The following RPGRIP1L variants were observed in gnomAD, a reference collection of about 807,000 sequenced individuals.
The protein encoded by RPGRIP1L is RPGRIP1 like.
A neutral mutation model predicts 160.4 loss-of-function variants in RPGRIP1L; 131 were observed. The ratio of observed to expected loss-of-function variants is 0.82; its 90% CI spans 0.71 to 0.94. The LOEUF (loss-of-function observed/expected upper bound fraction) is 0.94, where lower values mean the gene tolerates loss of function less well. RPGRIP1L is among the 40% of genes least tolerant of loss of function. The probability of loss-of-function intolerance (pLI) is 0.00; values close to 1 mark genes in which losing one functional copy is unlikely to be tolerated. For missense variants in RPGRIP1L, 1,522 were observed against 1,535.8 expected, an observed-to-expected ratio of 0.99 and a Z score of 0.15; for synonymous variants, 510 against 515.8, an observed-to-expected ratio of 0.99 and a Z score of 0.15.
intron 6 of RPGRIP1L, among the ~76,000 whole-genome samples, chr16:53,681,879 CAGACTTCTAG>C (rs1369436312): frequency 5.3e-5 from 8 of 152,178 alleles, no homozygotes; most frequent in Non-Finnish European, 1.2e-4. Flanking sequence ...ACATCCAGAT[CAGACTTCTAG>C]AATTTCAAAT....
intron 17 of RPGRIP1L, among the ~76,000 whole-genome samples, chr16:53,641,820 GCCTT>G (rs1379153645): frequency 6.6e-6 from 1 of 152,032 alleles, no homozygotes; most frequent in Non-Finnish European, 1.5e-5. Context: ...AGAATTCTTA[GCCTT>G]CCTTCGTGAA....
chr16:53,674,125 G>C (rs886527063), intron 7 of RPGRIP1L, among the ~76,000 whole-genome samples: 8 of 151,934 alleles, frequency 5.3e-5, no homozygotes, highest in African/African-American at 1.9e-4. Context: ...TCATATTTAT[G>C]CAGAAGTAAT....
At chr16:53,688,076 A>T in intron 4 of RPGRIP1L, 111 bp from the exon 5 acceptor site, 2 of 716,886 alleles carry the variant, frequency 2.8e-6, no homozygotes, top group Non-Finnish European at 4.8e-6. Context: ...ATTAAGAGGT[A>T]TGTGTTTTAT....
Position 53,637,685 on chromosome 16 carries a change from A to G in RPGRIP1L, c.3220+10T>C. Reference sequence around the variant, plus strand: ...TAACTAAACAATGTTAGTTTAAATAAGAAAGTCACCTTCTGGTTCCAAGTC... The same window carrying G: ...TAACTAAACAATGTTAGTTTAAATAGGAAAGTCACCTTCTGGTTCCAAGTC... On this transcript the variant is annotated intron_variant, in intron 21 of 26. Coordinates refer to ENST00000647211, the MANE Select transcript of RPGRIP1L (RefSeq NM_015272.5). 1 of 1,605,470 alleles carries G rather than the reference A, an allele frequency of 6.2e-7. No homozygotes were observed. Among genetic ancestry groups the G allele is most frequent in the Non-Finnish European group, 8.5e-7 (1 of 1,179,170 alleles).
chr16:53,661,624 G>C (rs959710253), intron 10 of RPGRIP1L, among the ~76,000 whole-genome samples: 1 of 152,158 alleles, frequency 6.6e-6, no homozygotes, highest in Non-Finnish European at 1.5e-5. Context: ...AAAGTGTAAA[G>C]GGCATGACTG....
At chr16:53,672,101 G>A (rs1034525284) in intron 8 of RPGRIP1L, among the ~76,000 whole-genome samples, 1 of 152,030 alleles carries the variant, frequency 6.6e-6, no homozygotes, top group Admixed American at 6.5e-5. Flanking sequence ...GTGAATAAAT[G>A]AATAAACAAA....
At chr16:53,662,266 T>C (rs192066540) in intron 10 of RPGRIP1L, among the ~76,000 whole-genome samples, 23 of 152,284 alleles carry the variant, frequency 1.5e-4, no homozygotes, top group Admixed American at 1.2e-3. Flanking sequence ...CCATATGCAT[T>C]ATGCTGAATT....
At chr16:53,609,086 TG>T (rs1251364075) in intron 25 of RPGRIP1L, among the ~76,000 whole-genome samples, 2 of 152,144 alleles carry the variant, frequency 1.3e-5, no homozygotes, top group Non-Finnish European at 2.9e-5. Context: ...TTATAGTTAC[TG>T]TGGACTTTTC....
chr16:53,677,824 T>C (rs1343425138), intron 6 of RPGRIP1L, among the ~76,000 whole-genome samples: 2 of 152,188 alleles, frequency 1.3e-5, no homozygotes, highest in Non-Finnish European at 2.9e-5. Flanking sequence ...TTATGAGTAA[T>C]ATTTTAAGTG....
intron 4 of RPGRIP1L, 130 bp downstream of exon 4, chr16:53,691,936 T>TA: frequency 1.2e-6 from 1 of 849,586 alleles, no homozygotes; most frequent in Admixed American, 2.1e-5. Flanking sequence ...TTTATCAAAG[T>TA]AAAAAATTAT....
chr16:53,648,626 G>GCGCGCGCACACACACA (rs1555602385), intron 16 of RPGRIP1L, among the ~76,000 whole-genome samples: 3 of 143,988 alleles, frequency 2.1e-5, no homozygotes, highest in African/African-American at 5.1e-5. Context: ...GCGCGCGCGC[G>GCGCGCGCACACACACA]CACACACACA....
In RPGRIP1L at chr16:53,641,278, TACTC is replaced by T. The variant is rs756714049; in HGVS notation, c.2874+3_2874+6del. 1.1e-5 allele frequency: 18 copies of T among 1,613,244 alleles called. No homozygotes were observed. The South Asian group carries it at 1.8e-4, about 16-fold the overall frequency. Reference sequence around the variant, plus strand: ...TTGTAAAAAAATTAAAAGTCACTGATACTCACTAAAACTAGTGTGCTAACAGAGG... The same window carrying T: ...TTGTAAAAAAATTAAAAGTCACTGATACTAAAACTAGTGTGCTAACAGAGG... On this transcript the variant is annotated splice_donor_5th_base_variant and intron_variant, in intron 18 of 26. Transcript: ENST00000647211.
At position 53,657,611 on chromosome 16, in the gene RPGRIP1L, C is replaced by A; in HGVS notation, c.1423G>T (p.Gly475Ter). ...LIKAQKEQKN[G>*]DLSFLVKVDS... ...ACTTTCACTAAAAAGGAAAGGTCTC[C>A]ATTTTTTTGTTCTTTTTGAGCCTAA... The change falls in exon 13 of 27, where the codon GGA (glycine) becomes TGA (stop). Residue 475 changes from glycine to a stop codon, truncating the protein, a stop_gained. Coordinates refer to ENST00000647211, the MANE Select transcript of RPGRIP1L (RefSeq NM_015272.5). LOFTEE classifies it high-confidence loss of function. 1 of 1,588,118 alleles carries A rather than the reference C, an allele frequency of 6.3e-7. No homozygotes were observed. The highest frequency in any genetic ancestry group is 8.6e-7 in the Non-Finnish European group (1 of 1,163,546).
At chr16:53,672,775 A>G in intron 8 of RPGRIP1L, 95 bp downstream of exon 8, 1 of 1,122,090 alleles carries the variant, frequency 8.9e-7, no homozygotes, top group Non-Finnish European at 1.3e-6. Flanking sequence ...ATAATTTTAA[A>G]TAAGTACAAT....
intron 23 of RPGRIP1L, 69 bp downstream of exon 23, chr16:53,622,150 G>T (rs1964768639): frequency 1.9e-6 from 1 of 513,946 alleles, no homozygotes; most frequent in Non-Finnish European, 3.5e-6. Context: ...GGATCATGAG[G>T]TCGGGAGTTT....
Position 53,656,609 on chromosome 16 carries a change from A to G in RPGRIP1L, c.1582-20T>C, listed in dbSNP as rs1249212158. On this transcript the variant is annotated intron_variant, in intron 13 of 26. Coordinates refer to ENST00000647211, the MANE Select transcript of RPGRIP1L (RefSeq NM_015272.5). ...CTCCATCTACAAAATAAGGGAAAAT[A>G]AGTTTTAATACTTATGATTAGTTCT... 6.8e-7 allele frequency: 1 copy of G among 1,459,862 alleles called. No homozygotes were observed. Among genetic ancestry groups the G allele is most frequent in the African/African-American group, 1.4e-5 (1 of 71,896 alleles). 90.4% of individuals were successfully genotyped at this position (1,459,862 alleles called of 1,614,324 possible). A position where few individuals can be genotyped will look rare whatever the true frequency, so the allele number is the denominator to read the frequency against.
At chr16:53,673,141 G>A in intron 7 of RPGRIP1L, 125 bp from the exon 8 acceptor site, 1 of 926,254 alleles carries the variant, frequency 1.1e-6, no homozygotes, top group Non-Finnish European at 1.6e-6. Flanking sequence ...ACCTTATACA[G>A]ATTATTTTTT....
At position 53,610,864 on chromosome 16, in the gene RPGRIP1L, C is replaced by T. The variant is rs534810395; in HGVS notation, c.3701+103G>A. 3.9e-4 allele frequency: 366 copies of T among 930,052 alleles called. 7 individuals carry two copies. The South Asian group carries it at 4.5e-3, about 11-fold the overall frequency. 57.6% of individuals were successfully genotyped at this position (930,052 alleles called of 1,614,324 possible). On this transcript the variant is annotated intron_variant, in intron 25 of 26. Coordinates refer to ENST00000647211, the MANE Select transcript of RPGRIP1L (RefSeq NM_015272.5). ...GGGTACAGAGTGAGTCAGAGAACCC[C>T]GATGTTCGGCTTCCTCATCTTGTGC...
At chr16:53,685,323 A>G (rs1969924477) in intron 6 of RPGRIP1L, among the ~76,000 whole-genome samples, 1 of 152,206 alleles carries the variant, frequency 6.6e-6, no homozygotes, top group Admixed American at 6.5e-5. Flanking sequence ...TACAGGCAGA[A>G]ATACCATTCG....
Sources: gnomAD v4.1 joint callset for allele counts (sites outside exome capture counted in the v4.1 genomes callset) on GRCh38, gnomAD v4.1.1 for gene constraint, MANE v1.5 for transcripts, NCBI Gene and HGNC (gene_info 2026-07-23, HGNC 2026-07-21) for gene names.